The following DDX60L variants were observed in gnomAD, a reference collection of about 807,000 sequenced individuals.
DDX60L encodes DExD/H-box 60 like, also known as probable ATP-dependent RNA helicase DDX60-like.
DDX60L carries 191 observed loss-of-function variants against 211.6 expected under a neutral mutation model. That is an observed-to-expected ratio of 0.90 (90% CI 0.80 to 1.02). The LOEUF is 1.02. Among genes scored for constraint, DDX60L ranks in the 50% least tolerant of loss-of-function variants. The pLI, the probability that DDX60L is intolerant of heterozygous loss-of-function variation, is 0.00. For synonymous variants in DDX60L, 706 were observed against 694.1 expected (o/e 1.02, Z -0.27); for missense variants, 2,007 against 1,984.1 (o/e 1.01, Z -0.22).
At chr4:168,388,641 T>A (rs530522339) in intron 29 of DDX60L, among the ~76,000 whole-genome samples, 1 of 152,330 alleles carries the variant, frequency 6.6e-6, no homozygotes, top group East Asian at 1.9e-4. Context: ...GTTGCACAGC[T>A]AGTAAAGAAT....
At chr4:168,407,560 G>A (rs969128712) in intron 22 of DDX60L, among the ~76,000 whole-genome samples, 1 of 152,212 alleles carries the variant, frequency 6.6e-6, no homozygotes, top group African/African-American at 2.4e-5. Context: ...AGTTAACCAA[G>A]TATCTTTATG....
At chr4:168,397,932 C>T (rs1046257566) in intron 26 of DDX60L, among the ~76,000 whole-genome samples, 1 of 152,076 alleles carries the variant, frequency 6.6e-6, no homozygotes, top group African/African-American at 2.4e-5. Flanking sequence ...CATCCCTGTG[C>T]TCTTGGGGGC....
intron 36 of DDX60L, among the ~76,000 whole-genome samples, chr4:168,368,291 A>C (rs1245385333): frequency 6.6e-6 from 1 of 152,206 alleles, no homozygotes; most frequent in African/African-American, 2.4e-5. Flanking sequence ...TGGCTGAAAA[A>C]GGCTAATGTA....
intron 4 of DDX60L, chr4:168,469,019 C>T (rs941784315): frequency 1.3e-5 from 2 of 152,110 alleles, no homozygotes; most frequent in Admixed American, 6.5e-5. Flanking sequence ...TATTGGTCTA[C>T]AAATTTAATG....
Position 168,378,429 on chromosome 4 carries a change from T to TAAAAG in DDX60L, c.4409_4410insCTTTT (p.Leu1471PhefsTer21). 6.3e-7 allele frequency: 1 copy of TAAAAG among 1,575,598 alleles called. No individual in the cohort carries two copies. The highest frequency in any genetic ancestry group is 8.6e-7 in the Non-Finnish European group (1 of 1,157,468). ...ATTTTCTTCCAAACAAATTTGCCAA[T>TAAAAG]ACTAACACGAGCTTTTCCATCACAT... On this transcript the variant is annotated frameshift_variant, in exon 33 of 38. Coordinates refer to ENST00000682922, the MANE Select transcript of DDX60L (RefSeq NM_001012967.3). LOFTEE classifies it high-confidence loss of function.
intron 29 of DDX60L, chr4:168,390,567 T>C: frequency 9.3e-7 from 1 of 1,077,832 alleles, no homozygotes; most frequent in Non-Finnish European, 1.3e-6. Flanking sequence ...ATTTCAAGAA[T>C]AAGCAAAATG....
intron 36 of DDX60L, among the ~76,000 whole-genome samples, chr4:168,368,583 G>A (rs1740407439): frequency 6.6e-6 from 1 of 152,176 alleles, no homozygotes; most frequent in Non-Finnish European, 1.5e-5. Flanking sequence ...TGTGAGAAGA[G>A]GGCCACTATC....
At chr4:168,410,137 G>C (rs1480007842) in intron 22 of DDX60L, among the ~76,000 whole-genome samples, 1 of 152,012 alleles carries the variant, frequency 6.6e-6, no homozygotes, top group Non-Finnish European at 1.5e-5. Context: ...AGAAAAAGAA[G>C]ACATGAAAGC....
intron 29 of DDX60L, 146 bp from the exon 30 acceptor site, chr4:168,384,958 TA>T: frequency 1.2e-6 from 1 of 828,206 alleles, no homozygotes; most frequent in Non-Finnish European, 1.9e-6. Context: ...ACATGGCACT[TA>T]AAAAATACAG....
intron 26 of DDX60L, among the ~76,000 whole-genome samples, chr4:168,397,700 G>A (rs913466309): frequency 1.3e-5 from 2 of 152,228 alleles, no homozygotes; most frequent in Non-Finnish European, 2.9e-5. Flanking sequence ...CTAACTAAAT[G>A]TGCACATTAG....
At chr4:168,415,909 C>T in intron 20 of DDX60L, 110 bp from the exon 21 acceptor site, 1 of 1,035,260 alleles carries the variant, frequency 9.7e-7, no homozygotes, top group Non-Finnish European at 1.3e-6. Flanking sequence ...TAGAGCATGC[C>T]CTCTCAATTT....
chr4:168,478,894 A>C (rs1200576848), intron 1 of DDX60L, among the ~76,000 whole-genome samples: 6 of 152,188 alleles, frequency 3.9e-5, no homozygotes, highest in Non-Finnish European at 8.8e-5. Flanking sequence ...AGGGCATTTA[A>C]TTTTTGTTTT....
chr4:168,367,540 A>G (rs1042027342), intron 36 of DDX60L, among the ~76,000 whole-genome samples: 5 of 152,284 alleles, frequency 3.3e-5, no homozygotes, highest in Admixed American at 3.3e-4. Flanking sequence ...ATGAACTAAC[A>G]CAGTAAATTG....
In DDX60L at chr4:168,421,786, C is replaced by T. The variant is rs761839200; in HGVS notation, c.2368G>A (p.Val790Met). 35 of 1,614,048 alleles carry T rather than the reference C, an allele frequency of 2.2e-5. 1 individual carries two copies. In the South Asian group the frequency reaches 3.5e-4, roughly 16 times the overall value. ...EKVLRESDVGVVVYVAPAKSL... is the reference protein window; with the variant it reads ...EKVLRESDVGMVVYVAPAKSL... ...TTTGCGGGTGCAACGTACACAACCA[C>T]CCCGACATCGCTCTCCCTCAGCACT... The change falls in exon 17 of 38, where the codon GTG becomes ATG. Residue 790 changes from valine to methionine, a missense_variant. Transcript: ENST00000682922.
intron 34 of DDX60L, 45 bp from the exon 35 acceptor site, chr4:168,373,853 C>T: frequency 1.3e-6 from 2 of 1,591,100 alleles, no homozygotes; most frequent in Non-Finnish European, 1.7e-6. Flanking sequence ...AAAATCAGCC[C>T]AAATGTTAAC....
chr4:168,468,493 C>G (rs183463328), intron 4 of DDX60L, among the ~76,000 whole-genome samples: 1 of 152,104 alleles, frequency 6.6e-6, no homozygotes, highest in African/African-American at 2.4e-5. Flanking sequence ...GAAATTTTCT[C>G]AATTTGATAA....
chr4:168,368,649 G>T (rs1289278106), intron 36 of DDX60L, among the ~76,000 whole-genome samples: 4 of 152,218 alleles, frequency 2.6e-5, no homozygotes, highest in Non-Finnish European at 5.9e-5. Context: ...ACCTGGAAAA[G>T]CCACAGACAC....
In DDX60L at chr4:168,375,667, A is replaced by G. The variant is rs762068505; in HGVS notation, c.4486-143T>C. 81 of 809,728 alleles carry G rather than the reference A, an allele frequency of 1.0e-4. 1 individual carries two copies. The Middle Eastern group carries it at 1.8e-3, about 18-fold the overall frequency. 50.2% of individuals were successfully genotyped at this position (809,728 alleles called of 1,614,324 possible). ...ATTACTTTACTCACCTGTGAGATTAAGGTAAAATTTCCTTTTGATTTCAAC... is the reference window on the plus strand; with the variant it reads ...ATTACTTTACTCACCTGTGAGATTAGGGTAAAATTTCCTTTTGATTTCAAC... On this transcript the variant is annotated intron_variant, in intron 33 of 37. Transcript: ENST00000682922.
In DDX60L at chr4:168,405,928, T is replaced by G. The variant is rs772425849; in HGVS notation, c.3213+22A>C. The G allele has an allele frequency of 4.5e-6, 7 of 1,546,734 alleles. No homozygotes were observed. The African/African-American group carries it at 8.3e-5, about 18-fold the overall frequency. ...CAATTAACAATTAAGTGAAACTTTG[T>G]CCAAGAAAGTGTGAAAATTACCTTC... is the stretch of plus-strand genomic sequence containing the variant. On this transcript the variant is annotated intron_variant, in intron 24 of 37. Transcript: ENST00000682922.
Sources: gnomAD v4.1 joint callset for allele counts (sites outside exome capture counted in the v4.1 genomes callset) on GRCh38, gnomAD v4.1.1 for gene constraint, MANE v1.5 for transcripts, NCBI Gene and HGNC (gene_info 2026-07-23, HGNC 2026-07-21) for gene names.